Variants in ENTREP2 observed in about 807,000 individuals in gnomAD.
The protein encoded by ENTREP2 is endosomal transmembrane epsin interactor 2, also known as protein ENTREP2.
At chr15:29,287,519 T>C in the ENTREP2 span, among the ~76,000 whole-genome samples, 10 of 152,066 alleles carry the variant, frequency 6.6e-5, no homozygotes, top group Non-Finnish European at 1.2e-4. Flanking sequence ...CCATACTCAA[T>C]CACAATACCA....
At chr15:29,535,976 G>A in the ENTREP2 span, among the ~76,000 whole-genome samples, 14 of 152,216 alleles carry the variant, frequency 9.2e-5, 1 homozygote, top group Admixed American at 5.2e-4. Flanking sequence ...AGACCCAGGC[G>A]GCAGAGGAGC....
the ENTREP2 span, among the ~76,000 whole-genome samples, chr15:29,554,714 A>T: frequency 1.3e-5 from 2 of 152,142 alleles, no homozygotes; most frequent in Admixed American, 1.3e-4. Context: ...CTCTTGGAGG[A>T]GGTGGCTGTG....
At chr15:29,293,228 A>AC in the ENTREP2 span, among the ~76,000 whole-genome samples, 1,733 of 152,080 alleles carry the variant, frequency 0.011, 38 homozygotes, top group African/African-American at 0.04. Flanking sequence ...AACTCCCGTT[A>AC]CCTCAAACAA....
chr15:29,287,384 AAAAAAAAAAAAAAG>A, the ENTREP2 span, among the ~76,000 whole-genome samples: 1 of 117,502 alleles, frequency 8.5e-6, no homozygotes, highest in African/African-American at 3.6e-5. Context: ...CAAGACCAGC[AAAAAAAAAAAAAAG>A]AAAAAAAAAA....
the ENTREP2 span, among the ~76,000 whole-genome samples, chr15:29,489,242 C>T: frequency 6.6e-6 from 1 of 152,188 alleles, no homozygotes; most frequent in Admixed American, 6.5e-5. Flanking sequence ...TCCTTCCTTC[C>T]TTACCTGCCT....
the ENTREP2 span, among the ~76,000 whole-genome samples, chr15:29,166,105 T>C: frequency 6.6e-6 from 1 of 152,166 alleles, no homozygotes; most frequent in African/African-American, 2.4e-5. Context: ...GAAAAAGCAT[T>C]TGATAAAATC....
the ENTREP2 span, among the ~76,000 whole-genome samples, chr15:29,559,779 C>G: frequency 1.3e-5 from 2 of 152,186 alleles, no homozygotes; most frequent in African/African-American, 4.8e-5. Flanking sequence ...GATAGTCTCC[C>G]TCTCTCAAGA....
the ENTREP2 span, among the ~76,000 whole-genome samples, chr15:29,505,163 C>T: frequency 6.6e-6 from 1 of 152,266 alleles, no homozygotes; most frequent in Non-Finnish European, 1.5e-5. This position sits in a 1 kb window ranked among gnomAD's most constrained non-coding sequence, Gnocchi z 4.3. Flanking sequence ...GCAGAGCCCA[C>T]CCCAGTGCCA....
chr15:29,353,376 G>A, the ENTREP2 span, among the ~76,000 whole-genome samples: 4 of 152,174 alleles, frequency 2.6e-5, no homozygotes, highest in African/African-American at 4.8e-5. Context: ...GGGAAGGAGA[G>A]GAGCTCATTC....
chr15:29,509,619 T>C, the ENTREP2 span, among the ~76,000 whole-genome samples: 9 of 152,240 alleles, frequency 5.9e-5, no homozygotes, highest in African/African-American at 1.9e-4. Flanking sequence ...AACCAAATGA[T>C]CTTTGACAAA....
At chr15:29,672,728 A>C in the ENTREP2 span, among the ~76,000 whole-genome samples, 2 of 152,082 alleles carry the variant, frequency 1.3e-5, no homozygotes, top group Admixed American at 1.3e-4. Context: ...TCTCCCTGAA[A>C]ACTTGGGGAT....
At chr15:29,558,636 TCA>T in the ENTREP2 span, among the ~76,000 whole-genome samples, 1 of 2,148 alleles carries the variant, frequency 4.7e-4, no homozygotes, top group African/African-American at 1.7e-3. Context: ...TGGATTTTTT[TCA>T]GTCAAAGTTA....
the ENTREP2 span, among the ~76,000 whole-genome samples, chr15:29,486,849 T>A: frequency 0.47 from 71,767 of 151,868 alleles, 18,365 homozygotes; most frequent in African/African-American, 0.69. Context: ...AGCTCATGGA[T>A]ATAGAAAATT....
At chr15:29,136,399 G>A in the ENTREP2 span, 64 of 1,530,224 alleles carry the variant, frequency 4.2e-5, no homozygotes, top group African/African-American at 1.1e-4. Context: ...CCACCGCCTC[G>A]TACGGAGGGG....
the ENTREP2 span, chr15:29,269,960 G>C: frequency 2.2e-6 from 1 of 446,008 alleles, no homozygotes. Context: ...GTATAGTGAA[G>C]TGTTGTTACC....
At chr15:29,277,287 A>G in the ENTREP2 span, among the ~76,000 whole-genome samples, 1 of 151,806 alleles carries the variant, frequency 6.6e-6, no homozygotes, top group Non-Finnish European at 1.5e-5. Flanking sequence ...GCTTACAGTG[A>G]GCCAAGATTG....
At chr15:29,579,663 G>A in the ENTREP2 span, among the ~76,000 whole-genome samples, 1 of 123,534 alleles carries the variant, frequency 8.1e-6, no homozygotes, top group Non-Finnish European at 1.6e-5. Flanking sequence ...GGGACTACAC[G>A]CACCTGCCAC....
chr15:29,581,453 G>C, the ENTREP2 span, among the ~76,000 whole-genome samples: 1 of 152,100 alleles, frequency 6.6e-6, no homozygotes, highest in East Asian at 1.9e-4. Flanking sequence ...ATTCCACTGG[G>C]TTAAATTTCC....
chr15:29,472,526 G>A, the ENTREP2 span, among the ~76,000 whole-genome samples: 4 of 151,398 alleles, frequency 2.6e-5, no homozygotes, highest in East Asian at 3.9e-4. Flanking sequence ...GTGCAATGGC[G>A]CAATCTCGGC....
Sources: allele counts gnomAD v4.1 joint callset (sites outside exome capture counted in the v4.1 genomes callset), GRCh38; gene constraint gnomAD v4.1.1; non-coding constraint Gnocchi (gnomAD v3.1); transcripts MANE v1.5; gene names NCBI Gene and HGNC (gene_info 2026-07-23, HGNC 2026-07-21).